CMAS: variants seen among roughly 807,000 people sequenced by gnomAD.
CMAS encodes the protein cytidine monophosphate N-acetylneuraminic acid synthetase.
CMAS carries 21 observed loss-of-function variants against 53.4 expected under a neutral mutation model. The ratio of observed to expected loss-of-function variants is 0.39; its 90% CI spans 0.28 to 0.57. The LOEUF is 0.57. Ranked by LOEUF, CMAS falls within the 20% of genes least tolerant of loss-of-function variation. The probability of loss-of-function intolerance (pLI) is 0.56; values close to 1 mark genes in which losing one functional copy is unlikely to be tolerated. For synonymous variants in CMAS, 189 were observed against 195.2 expected, an observed-to-expected ratio of 0.97 and a Z score of 0.27; for missense variants, 384 against 534.9, an observed-to-expected ratio of 0.72 and a Z score of 2.78.
chr12:22,047,888 A>AG (rs1402442987), intron 1 of CMAS, among the ~76,000 whole-genome samples: 1 of 152,240 alleles, frequency 6.6e-6, no homozygotes, highest in Non-Finnish European at 1.5e-5. Flanking sequence ...AGGTGCATCC[A>AG]GACTGCAGTA....
rs913451100 is a variant in CMAS at position 22,053,336 on chromosome 12, G to A, written c.261-1813G>A. 6.0e-5 allele frequency among the ~76,000 whole-genome samples: 9 copies of A among 151,146 alleles called. No homozygotes were observed. In the South Asian group the frequency reaches 6.4e-4, roughly 11 times the overall value. The stretch of plus-strand genomic sequence containing the variant: ...GTTCATCTTTCCCTCAGTAGATATC[G>A]AAAGAGTGGGATAAAAGGAAAAATA... On this transcript the variant is annotated intron_variant, in intron 1 of 7. Transcript: ENST00000229329.
chr12:22,061,237 T>C (rs1375168809), intron 5 of CMAS, 44 bp from the exon 6 acceptor site: 7 of 1,329,086 alleles, frequency 5.3e-6, no homozygotes, highest in Non-Finnish European at 7.5e-6. Context: ...AGGGAGTGAT[T>C]AGTACTGCAC....
At chr12:22,057,827 C>CTT (rs749650668) in intron 3 of CMAS, among the ~76,000 whole-genome samples, 7 of 139,988 alleles carry the variant, frequency 5.0e-5, no homozygotes, top group Non-Finnish European at 7.9e-5. Context: ...TAAAAAAGTT[C>CTT]TTTTTTTTTT....
chr12:22,063,419 A>G (rs926797663), intron 7 of CMAS, among the ~76,000 whole-genome samples: 7 of 152,222 alleles, frequency 4.6e-5, no homozygotes, highest in African/African-American at 1.7e-4. Flanking sequence ...AATTCCAACT[A>G]TACTTATTAT....
intron 4 of CMAS, among the ~76,000 whole-genome samples, chr12:22,060,333 T>TA (rs58755366): frequency 3.1e-4 from 17 of 54,140 alleles, no homozygotes; most frequent in Non-Finnish European, 4.9e-4. Flanking sequence ...GCTTTCTCCT[T>TA]AAAAAAAAAA....
At chr12:22,059,914 AAGACCCTTTCTC>A (rs1309852239) in intron 4 of CMAS, among the ~76,000 whole-genome samples, 2 of 152,182 alleles carry the variant, frequency 1.3e-5, no homozygotes, top group Non-Finnish European at 2.9e-5. Flanking sequence ...TATCAGAAGA[AAGACCCTTTCTC>A]TTGCTGACCC....
chr12:22,065,619 T>C lies in CMAS; in HGVS notation c.*308T>C, dbSNP rs1950342484. On this transcript the variant is annotated 3_prime_UTR_variant, in exon 8 of 8. Coordinates refer to ENST00000229329, the MANE Select transcript of CMAS (RefSeq NM_018686.6). ...ATTTTATTTATCTGGGGACAGTGTG[T>C]ATGGTAAGACATGCCCTTCTATTAA... 4.9e-6 allele frequency: 1 copy of C among 203,822 alleles called. No individual in the cohort carries two copies. Among genetic ancestry groups the C allele is most frequent in the Non-Finnish European group, 9.9e-6 (1 of 101,206 alleles). The allele number at this position is 203,822 out of a possible 1,614,324, so 12.6% of individuals were successfully genotyped here.
In CMAS at chr12:22,058,549, C is replaced by G. The variant is rs781776727; in HGVS notation, c.560-18C>G. On this transcript the variant is annotated intron_variant, in intron 3 of 7. Coordinates refer to ENST00000229329, the MANE Select transcript of CMAS (RefSeq NM_018686.6). The stretch of plus-strand genomic sequence containing the variant: ...ATATTCAGGGCAACGTGGACTTACT[C>G]TAACTTTTTGCTTTTAGTTCGTGAA... The G allele has an allele frequency of 8.1e-6, 13 of 1,605,586 alleles. No homozygotes were observed. The highest frequency in any genetic ancestry group is 6.7e-5 in the South Asian group (6 of 89,144).
chr12:22,047,055 A>G (rs1591791273), intron 1 of CMAS, among the ~76,000 whole-genome samples: 1 of 152,288 alleles, frequency 6.6e-6, no homozygotes, highest in East Asian at 1.9e-4. Context: ...CTGAATTTCA[A>G]GCTCAGCTTG....
intron 1 of CMAS, among the ~76,000 whole-genome samples, chr12:22,047,426 C>T (rs1950213853): frequency 6.6e-6 from 1 of 152,064 alleles, no homozygotes; most frequent in African/African-American, 2.4e-5. Context: ...TTATGTTAAC[C>T]TTTTGATGTT....
At chr12:22,047,499 C>T (rs1313588649) in intron 1 of CMAS, among the ~76,000 whole-genome samples, 7 of 152,008 alleles carry the variant, frequency 4.6e-5, no homozygotes, top group Admixed American at 1.3e-4. Flanking sequence ...CCTATATTTG[C>T]TTACCCATAT....
At chr12:22,059,132 A>G (rs936727968) in intron 4 of CMAS, among the ~76,000 whole-genome samples, 47 of 118,908 alleles carry the variant, frequency 4.0e-4, no homozygotes, top group Admixed American at 1.1e-3. Flanking sequence ...ATCTTTTTAT[A>G]TATATATATA....
intron 3 of CMAS, 63 bp downstream of exon 3, chr12:22,055,673 ATATC>A (rs1950263520): frequency 7.0e-7 from 1 of 1,438,552 alleles, no homozygotes; most frequent in Non-Finnish European, 9.6e-7. Context: ...TTGTATATAA[ATATC>A]CTTTAGGCAT....
At chr12:22,052,037 C>A (rs1192617361) in intron 1 of CMAS, among the ~76,000 whole-genome samples, 1 of 152,162 alleles carries the variant, frequency 6.6e-6, no homozygotes, top group Non-Finnish European at 1.5e-5. Flanking sequence ...CAGAATTGAA[C>A]CTCTTCCTTC....
chr12:22,057,240 T>TACACACACAC (rs71053372), intron 3 of CMAS, among the ~76,000 whole-genome samples: 6 of 118,026 alleles, frequency 5.1e-5, no homozygotes, highest in African/African-American at 2.6e-4. Context: ...CACACACACA[T>TACACACACAC]ACACACACAC....
Position 22,062,437 on chromosome 12 carries a change from T to C in CMAS, c.1114+3T>C, listed in dbSNP as rs753409063. The C allele has an allele frequency of 6.2e-7, 1 of 1,610,670 alleles. No individual in the cohort carries two copies. The highest frequency in any genetic ancestry group is 8.5e-7 in the Non-Finnish European group (1 of 1,179,240). On this transcript the variant is annotated splice_donor_region_variant and intron_variant, in intron 7 of 7. Transcript: ENST00000229329. ...CTGGAAAGAAGTGGCATATCTTGGT[T>C]GGTATCTTTTTATTCACCCATAGTA... is the stretch of plus-strand genomic sequence containing the variant.
At chr12:22,059,155 T>A (rs1182166418) in intron 4 of CMAS, among the ~76,000 whole-genome samples, 50 of 145,992 alleles carry the variant, frequency 3.4e-4, no homozygotes, top group African/African-American at 1.0e-3. Flanking sequence ...TATATTTTTT[T>A]TTTTTTTTAT....
Position 22,055,490 on chromosome 12 carries a change from C to G in CMAS, c.439C>G (p.Pro147Ala). Reference protein sequence around the residue: ...DIVGNIQATSPCLHPTDLQKV... With the variant: ...DIVGNIQATSACLHPTDLQKV... ...TGTAGGAAATATTCAAGCTACTTCT[C>G]CATGTTTACATCCTACTGATCTTCA... is the stretch of plus-strand genomic sequence containing the variant. Residue 147 changes from proline (P) to alanine (A), a missense_variant, in exon 3 of 8, where the codon CCA becomes GCA. By Grantham distance (27) the Pro-to-Ala change is conservative. Coordinates refer to ENST00000229329, the MANE Select transcript of CMAS (RefSeq NM_018686.6). The G allele has an allele frequency of 6.2e-7, 1 of 1,606,726 alleles. No individual in the cohort carries two copies. Among genetic ancestry groups the G allele is most frequent in the Non-Finnish European group, 8.5e-7 (1 of 1,178,180 alleles).
intron 1 of CMAS, among the ~76,000 whole-genome samples, chr12:22,054,443 ATGTT>A (rs1950255381): frequency 6.6e-6 from 1 of 152,150 alleles, no homozygotes; most frequent in South Asian, 2.1e-4. Flanking sequence ...CATGTTCTTC[ATGTT>A]TGTTGTTATC....
Sources: allele counts gnomAD v4.1 joint callset (sites outside exome capture counted in the v4.1 genomes callset), GRCh38; gene constraint gnomAD v4.1.1; transcripts MANE v1.5; gene names NCBI Gene and HGNC (gene_info 2026-07-23, HGNC 2026-07-21).